The following RAD1 variants were observed in gnomAD, a reference collection of about 807,000 sequenced individuals.
The protein encoded by RAD1 is cell cycle checkpoint protein RAD1.
Under a neutral mutation model 30.0 loss-of-function variants are expected in RAD1, and 21 were observed. That is an observed-to-expected ratio of 0.70 (90% confidence interval 0.50 to 1.01). The LOEUF (loss-of-function observed/expected upper bound fraction) is 1.01. Among genes scored for constraint, RAD1 ranks in the 50% least tolerant of loss-of-function variants. RAD1 has a pLI of 0.00. For synonymous variants in RAD1, 109 were observed against 113.6 expected (o/e 0.96, Z 0.26); for missense variants, 329 against 329.0 (o/e 1.00, Z 0.00).
chr5:34,912,890 A>G (rs1188942519), intron 3 of RAD1, among the ~76,000 whole-genome samples: 1 of 152,046 alleles, frequency 6.6e-6, no homozygotes, highest in Non-Finnish European at 1.5e-5. Context: ...AATCCCAGCT[A>G]CTCGGGAGGC....
Position 34,910,584 on chromosome 5 carries a change from C to T in RAD1, c.566+970G>A, listed in dbSNP as rs187306137. ...CTGGGATTATAGGCACGTGCCACCACGCCCAACTAATTTTTCTATTTTTAG... is the reference window on the plus strand; with the variant it reads ...CTGGGATTATAGGCACGTGCCACCATGCCCAACTAATTTTTCTATTTTTAG... On this transcript the variant is annotated intron_variant, in intron 4 of 5. Coordinates refer to ENST00000382038, the MANE Select transcript of RAD1 (RefSeq NM_002853.4). Among the ~76,000 whole-genome samples the T allele has an allele frequency of 2.5e-3, 387 of 152,154 alleles. 4 individuals are homozygous for T. The highest frequency in any genetic ancestry group is 8.7e-3 in the African/African-American group (361 of 41,532).
At position 34,908,556 on chromosome 5, in the gene RAD1, T is replaced by C. The variant is rs930382878; in HGVS notation, c.*209A>G. 3 of 466,328 alleles carry C rather than the reference T, an allele frequency of 6.4e-6. No individual in the cohort carries two copies. Among genetic ancestry groups the C allele is most frequent in the East Asian group, 6.7e-5 (2 of 30,058 alleles). 28.9% of individuals were successfully genotyped at this position (466,328 alleles called of 1,614,324 possible). A position where few individuals can be genotyped will look rare whatever the true frequency, so the allele number is the denominator to read the frequency against. On this transcript the variant is annotated 3_prime_UTR_variant, in exon 6 of 6. Coordinates refer to ENST00000382038, the MANE Select transcript of RAD1 (RefSeq NM_002853.4). The stretch of plus-strand genomic sequence containing the variant: ...CTAAAGGACAGTCCTGAATAATCTA[T>C]GACTACAGGAAAACATTTATTTACA...
At position 34,907,391 on chromosome 5, in the gene RAD1, G is replaced by A. The variant is rs1426733782; in HGVS notation, c.*1374C>T. 1.2e-4 allele frequency: 19 copies of A among 152,262 alleles called. 1 individual carries two copies. The East Asian group carries it at 3.5e-3, about 28-fold the overall frequency. The allele number at this position is 152,262 out of a possible 1,614,324, so 9.4% of individuals were successfully genotyped here. The stretch of plus-strand genomic sequence containing the variant: ...TGACAGGTTTTTATCCTAAAGAACT[G>A]TCTCACTCAAAAGGCCAATAGTGAC... On this transcript the variant is annotated 3_prime_UTR_variant, in exon 6 of 6. Transcript: ENST00000382038.
chr5:34,914,673 T>C, intron 2 of RAD1, 22 bp downstream of exon 2: 2 of 1,612,884 alleles, frequency 1.2e-6, no homozygotes, highest in Non-Finnish European at 1.7e-6. Context: ...TGGCACAGGC[T>C]TAAAGGCGCC....
rs772141438 is a variant in RAD1 at position 34,909,394 on chromosome 5, A to G, written c.567-38T>C. The stretch of plus-strand genomic sequence containing the variant: ...ATTACCTCATTTATTCATTCATCCA[A>G]AAATAAACCACATTAGGATCCAAAT... On this transcript the variant is annotated intron_variant, in intron 4 of 5. Transcript: ENST00000382038. 4.3e-6 allele frequency: 6 copies of G among 1,400,314 alleles called. No homozygotes were observed. The South Asian group carries it at 7.1e-5, about 17-fold the overall frequency. 86.7% of individuals were successfully genotyped at this position (1,400,314 alleles called of 1,614,324 possible).
rs1451133160 is a variant in RAD1 at position 34,909,352 on chromosome 5, A to AT, written c.570dup (p.Ser191IlefsTer12). ...GAACTTCCTGCATTTCCAAAAGTAG[A>AT]TAACCTATAGAAAATGATTACCTCA... On this transcript the variant is annotated frameshift_variant, in exon 5 of 6. Coordinates refer to ENST00000382038, the MANE Select transcript of RAD1 (RefSeq NM_002853.4). LOFTEE classifies it high-confidence loss of function. The AT allele has an allele frequency of 6.3e-7, 1 of 1,589,746 alleles. No individual in the cohort carries two copies. Among genetic ancestry groups the AT allele is most frequent in the Admixed American group, 1.7e-5 (1 of 59,782 alleles).
rs1429074346 is a variant in RAD1 at position 34,907,963 on chromosome 5, C to T, written c.*802G>A. On this transcript the variant is annotated 3_prime_UTR_variant, in exon 6 of 6. Transcript: ENST00000382038. ...CTCCTGAGGGAAGCTTGTTAAAATA[C>T]AGAATGCTGGCCTCCTCCCCAGAGT... 1.3e-5 allele frequency: 2 copies of T among 152,168 alleles called. No individual in the cohort carries two copies. The highest frequency in any genetic ancestry group is 2.4e-5 in the African/African-American group (1 of 41,440). 9.4% of individuals were successfully genotyped at this position (152,168 alleles called of 1,614,324 possible).
chr5:34,908,909 TA>T lies in RAD1; in HGVS notation c.704del (p.Leu235Ter). ...GAATAGATACCTTACAAGATAGGACTAATGCCTTTGTAGAGGGTTTCAGTAA... is the reference window on the plus strand; with the variant it reads ...GAATAGATACCTTACAAGATAGGACTATGCCTTTGTAGAGGGTTTCAGTAA... ...ISLLKPSTKA[L>X]VLSCKVSIRT... On this transcript the variant is annotated frameshift_variant, in exon 6 of 6. Coordinates refer to ENST00000382038, the MANE Select transcript of RAD1 (RefSeq NM_002853.4). LOFTEE classifies it high-confidence loss of function. 1 of 1,610,498 alleles carries T rather than the reference TA, an allele frequency of 6.2e-7. No individual in the cohort carries two copies. The highest frequency in any genetic ancestry group is 8.5e-7 in the Non-Finnish European group (1 of 1,178,956).
At chr5:34,914,445 T>C in intron 2 of RAD1, 1 of 492,120 alleles carries the variant, frequency 2.0e-6, no homozygotes, top group Non-Finnish European at 3.6e-6. Flanking sequence ...TAATAAACTT[T>C]AGTCATTACT....
At chr5:34,910,432 C>CT (rs566311796) in intron 4 of RAD1, among the ~76,000 whole-genome samples, 7,962 of 143,662 alleles carry the variant, frequency 0.055, 288 homozygotes, top group South Asian at 0.11. Context: ...TTTTTCTTTT[C>CT]TTTTTTTTTT....
In RAD1 at chr5:34,912,861, C is replaced by T. The variant is rs41271691; in HGVS notation, c.307+609G>A. Among the ~76,000 whole-genome samples the T allele has an allele frequency of 1.2e-3, 184 of 152,030 alleles. 4 individuals carry two copies. In the East Asian group the frequency reaches 0.032, roughly 26 times the overall value. On this transcript the variant is annotated intron_variant, in intron 3 of 5. Coordinates refer to ENST00000382038, the MANE Select transcript of RAD1 (RefSeq NM_002853.4). ...CTAAAAATACAAAAAATTAGCCGGG[C>T]GTGGTGGCACGTGCCTGTAATCCCA... is the stretch of plus-strand genomic sequence containing the variant.
intron 1 of RAD1, 98 bp from the exon 2 acceptor site, chr5:34,915,059 G>C (rs549202666): frequency 4.6e-6 from 3 of 652,746 alleles, no homozygotes; most frequent in Admixed American, 2.9e-5. Context: ...GGCTGAACAC[G>C]GCTGACCAGG....
At chr5:34,913,414 A>AT (rs41271687) in intron 3 of RAD1, 56 bp downstream of exon 3, 6 of 1,032,124 alleles carry the variant, frequency 5.8e-6, no homozygotes, top group Non-Finnish European at 8.3e-6. Flanking sequence ...AACTTCCTGT[A>AT]TTTTTCTGAC....
intron 4 of RAD1, among the ~76,000 whole-genome samples, chr5:34,910,285 A>G (rs1026061272): frequency 1.3e-5 from 2 of 152,098 alleles, no homozygotes; most frequent in African/African-American, 4.8e-5. Flanking sequence ...GATCCCCTGA[A>G]ATACTGTTTT....
intron 1 of RAD1, 71 bp downstream of exon 1, chr5:34,915,345 C>T (rs1764026371): frequency 4.2e-6 from 1 of 240,226 alleles, no homozygotes. Flanking sequence ...CCCAGACAAC[C>T]CCATTCACCA....
intron 2 of RAD1, 45 bp downstream of exon 2, chr5:34,914,644 ATTACAT>A (rs780620498): frequency 6.1e-5 from 96 of 1,574,676 alleles, no homozygotes; most frequent in Non-Finnish European, 8.1e-5. Context: ...ATTTCATTAA[ATTACAT>A]TTAGAGTATC....
intron 3 of RAD1, 149 bp downstream of exon 3, chr5:34,913,321 T>C (rs1264993796): frequency 2.3e-6 from 1 of 431,270 alleles, no homozygotes; most frequent in Non-Finnish European, 4.2e-6. Context: ...GCAATTAACA[T>C]TGTGAAATGT....
chr5:34,913,981 C>G lies in RAD1; in HGVS notation c.199-403G>C, dbSNP rs778379922. 1.6e-4 allele frequency: 74 copies of G among 456,946 alleles called. 1 individual carries two copies. Among genetic ancestry groups the G allele is most frequent in the South Asian group, 1.1e-3 (71 of 64,582 alleles). 28.3% of individuals were successfully genotyped at this position (456,946 alleles called of 1,614,324 possible). ...GCGATCTTCGTGCTTCAGCCTCGGT[C>G]TCCTGAGCAGCTGGAAATACAGGTG... On this transcript the variant is annotated intron_variant, in intron 2 of 5. Transcript: ENST00000382038.
In RAD1 at chr5:34,908,957, G is replaced by A. The variant is rs2308953; in HGVS notation, c.666-9C>T. Reference sequence around the variant, plus strand: ...GTAAGGAAATCTTGTATCTGTAGAAGAAAAAATAAAACGCTGTTATATCAA... The same window carrying A: ...GTAAGGAAATCTTGTATCTGTAGAAAAAAAAATAAAACGCTGTTATATCAA... On this transcript the variant is annotated splice_polypyrimidine_tract_variant and intron_variant, in intron 5 of 5. Coordinates refer to ENST00000382038, the MANE Select transcript of RAD1 (RefSeq NM_002853.4). 1 of 1,593,974 alleles carries A rather than the reference G, an allele frequency of 6.3e-7. No individual in the cohort carries two copies.
Sources: allele counts gnomAD v4.1 joint callset (sites outside exome capture counted in the v4.1 genomes callset), GRCh38; gene constraint gnomAD v4.1.1; transcripts MANE v1.5; gene names NCBI Gene and HGNC (gene_info 2026-07-23, HGNC 2026-07-21).